Variants in LAMA4 observed in about 807,000 individuals in gnomAD.
The protein encoded by LAMA4 is laminin subunit alpha 4.
Under a neutral mutation model 207.1 loss-of-function variants are expected in LAMA4, and 127 were observed. That is an observed-to-expected ratio of 0.61 (90% CI 0.53 to 0.71). The LOEUF (loss-of-function observed/expected upper bound fraction) is 0.71. Ranked by LOEUF, LAMA4 falls within the 30% of genes least tolerant of loss-of-function variation. LAMA4 has a pLI of 0.00. For missense variants in LAMA4, 2,093 were observed against 2,246.5 expected (o/e 0.93, Z 1.38); for synonymous variants, 761 against 816.0 (o/e 0.93, Z 1.15).
intron 3 of LAMA4, among the ~76,000 whole-genome samples, chr6:112,208,072 C>T (rs1266882283): frequency 2.0e-5 from 3 of 152,206 alleles, no homozygotes; most frequent in African/African-American, 4.8e-5. Context: ...TGGGACTATA[C>T]TAGTGGTACA....
intron 24 of LAMA4, among the ~76,000 whole-genome samples, chr6:112,137,976 G>A (rs782570172): frequency 2.0e-5 from 3 of 151,840 alleles, no homozygotes; most frequent in East Asian, 1.9e-4. Context: ...TTTTGAGGAC[G>A]GTTATACTGT....
Position 112,139,784 on chromosome 6 carries a change from A to G in LAMA4, c.3078T>C (p.Asn1026=). 6.2e-7 allele frequency: 1 copy of G among 1,614,132 alleles called. No homozygotes were observed. Among genetic ancestry groups the G allele is most frequent in the Non-Finnish European group, 8.5e-7 (1 of 1,179,958 alleles). The change falls in exon 23 of 39, where the codon AAT becomes AAC. Residue 1026 remains asparagine (N), a synonymous_variant. Transcript: ENST00000230538. The stretch of plus-strand genomic sequence containing the variant: ...ATGGCACTGATGTGGAGGGGTCCAT[A>G]TTATAGATGTGCTTAAAGTTGTACA... ...ISLYNFKHIY[N]MDPSTSVPCA...
At chr6:112,203,722 C>G (rs1379149746) in intron 4 of LAMA4, among the ~76,000 whole-genome samples, 1 of 152,170 alleles carries the variant, frequency 6.6e-6, no homozygotes, top group Non-Finnish European at 1.5e-5. Flanking sequence ...ATCCCTTGGT[C>G]TCTCACACCC....
At chr6:112,197,357 G>T (rs1562721878) in intron 5 of LAMA4, among the ~76,000 whole-genome samples, 1 of 152,082 alleles carries the variant, frequency 6.6e-6, no homozygotes, top group Non-Finnish European at 1.5e-5. Context: ...TGTTTGAGCT[G>T]TTTTTTTACA....
intron 3 of LAMA4, among the ~76,000 whole-genome samples, chr6:112,212,731 G>A (rs1784420255): frequency 6.6e-6 from 1 of 152,168 alleles, no homozygotes; most frequent in East Asian, 1.9e-4. Context: ...TTCATGAAAG[G>A]ATTATGCACT....
chr6:112,171,755 A>C (rs148873848), intron 12 of LAMA4: 1 of 153,208 alleles, frequency 6.5e-6, no homozygotes, highest in Non-Finnish European at 1.5e-5. Flanking sequence ...ATTAGCAAAC[A>C]GTGGTGATGA....
At chr6:112,195,068 C>T (rs571618959) in intron 5 of LAMA4, among the ~76,000 whole-genome samples, 39 of 152,288 alleles carry the variant, frequency 2.6e-4, no homozygotes, top group Non-Finnish European at 7.4e-5. Context: ...GAAGCTCCCC[C>T]TGCTCTGCCT....
rs1554324284 is a variant in LAMA4 at position 112,117,336 on chromosome 6, TGTC to T, written c.4981+400_4981+402del. On this transcript the variant is annotated intron_variant, in intron 35 of 38. Coordinates refer to ENST00000230538, the MANE Select transcript of LAMA4 (RefSeq NM_001105206.3). The surrounding 1 kb of genome is among the most constrained non-coding windows in gnomAD (Gnocchi z 4.5). Reference sequence around the variant, plus strand: ...AATAAAAATTTCTGAAGGATAACGTTGTCTGCTGGTGTTGCAAGTCATGGGGAG... The same window carrying T: ...AATAAAAATTTCTGAAGGATAACGTTTGCTGGTGTTGCAAGTCATGGGGAG... 6.6e-6 allele frequency among the ~76,000 whole-genome samples: 1 copy of T among 152,086 alleles called. No homozygotes were observed. Among genetic ancestry groups the T allele is most frequent in the Non-Finnish European group, 1.5e-5 (1 of 68,028 alleles).
chr6:112,251,853 T>A (rs1299697104), intron 2 of LAMA4, among the ~76,000 whole-genome samples: 2 of 152,204 alleles, frequency 1.3e-5, no homozygotes, highest in African/African-American at 2.4e-5. Flanking sequence ...TCTTTCTGTT[T>A]TTCAAAACTG....
intron 6 of LAMA4, among the ~76,000 whole-genome samples, chr6:112,189,745 C>G (rs2114951680): frequency 6.6e-6 from 1 of 152,296 alleles, no homozygotes; most frequent in Middle Eastern, 3.4e-3. Flanking sequence ...CTCCAAATGA[C>G]AGCTATGAGT....
At chr6:112,158,643 G>C in intron 14 of LAMA4, 89 bp downstream of exon 14, 1 of 1,287,542 alleles carries the variant, frequency 7.8e-7, no homozygotes, top group Non-Finnish European at 1.1e-6. Flanking sequence ...TGGTAAAATT[G>C]TATCCCAGTA....
chr6:112,221,991 G>A (rs1187769554), intron 2 of LAMA4, among the ~76,000 whole-genome samples: 1 of 152,162 alleles, frequency 6.6e-6, no homozygotes, highest in African/African-American at 2.4e-5. Context: ...ATGGCAAGCA[G>A]TTCTGAATTT....
chr6:112,137,363 T>A (rs1183652415), intron 24 of LAMA4, among the ~76,000 whole-genome samples: 3 of 152,146 alleles, frequency 2.0e-5, no homozygotes, highest in Non-Finnish European at 2.9e-5. Flanking sequence ...TATACTAATT[T>A]AAAAAAACCT....
At chr6:112,199,933 C>T (rs191868518) in intron 5 of LAMA4, among the ~76,000 whole-genome samples, 7 of 152,320 alleles carry the variant, frequency 4.6e-5, no homozygotes, top group Non-Finnish European at 1.0e-4. Flanking sequence ...GGGTGCTTGA[C>T]TATTTCCGCT....
At chr6:112,124,012 C>T (rs1165981583) in intron 31 of LAMA4, among the ~76,000 whole-genome samples, 1 of 152,176 alleles carries the variant, frequency 6.6e-6, no homozygotes, top group Non-Finnish European at 1.5e-5. Flanking sequence ...GATTCTTTAA[C>T]TCTAATGTCT....
At chr6:112,158,695 C>T in intron 14 of LAMA4, 37 bp downstream of exon 14, 1 of 1,562,924 alleles carries the variant, frequency 6.4e-7, no homozygotes, top group Non-Finnish European at 8.8e-7. Flanking sequence ...TTATTCACCC[C>T]ATGTAGATAT....
At chr6:112,132,998 GT>G in intron 27 of LAMA4, 108 bp from the exon 28 acceptor site, 2 of 1,170,976 alleles carry the variant, frequency 1.7e-6, no homozygotes, top group African/African-American at 1.5e-5. Flanking sequence ...TACGTAAATA[GT>G]TTATTTTCCC....
intron 14 of LAMA4, among the ~76,000 whole-genome samples, 164 bp downstream of exon 14, chr6:112,158,568 G>C (rs1271473278): frequency 6.9e-6 from 1 of 144,658 alleles, no homozygotes; most frequent in African/African-American, 2.6e-5. Flanking sequence ...AACCAACCAA[G>C]CAACCAAGGA....
chr6:112,154,630 T>C (rs1366516041), intron 16 of LAMA4: 2 of 575,136 alleles, frequency 3.5e-6, no homozygotes, highest in Non-Finnish European at 6.2e-6. Flanking sequence ...GATAGCTATG[T>C]GTTTCCATGT....
Sources: allele counts gnomAD v4.1 joint callset (sites outside exome capture counted in the v4.1 genomes callset), GRCh38; gene constraint gnomAD v4.1.1; non-coding constraint Gnocchi (gnomAD v3.1); transcripts MANE v1.5; gene names NCBI Gene and HGNC (gene_info 2026-07-23, HGNC 2026-07-21).